The following MSH4 variants were observed in gnomAD, a reference collection of about 807,000 sequenced individuals.
MSH4 encodes mutS homolog 4.
MSH4 carries 106 observed loss-of-function variants against 113.7 expected under a neutral mutation model. The observed-to-expected ratio is 0.93, with a 90% confidence interval of 0.80 to 1.10. MSH4 has a LOEUF of 1.10. Ranked by LOEUF, MSH4 falls within the 50% of genes least tolerant of loss-of-function variation. The pLI, the probability that MSH4 is intolerant of heterozygous loss-of-function variation, is 0.00. For missense variants in MSH4, 1,061 were observed against 1,093.7 expected, an observed-to-expected ratio of 0.97 and a Z score of 0.42; for synonymous variants, 368 against 380.2, an observed-to-expected ratio of 0.97 and a Z score of 0.37.
rs1205787250 is a variant in MSH4, at chr1:75,885,911, A to G, written c.2107+2090A>G. On this transcript the variant is annotated intron_variant, in intron 15 of 19. Transcript: ENST00000263187. ...TTATATATGATGTATTATTTAGTAT[A>G]TATAATATATATGATGTATTATATA... Among the ~76,000 whole-genome samples, 4 of 37,222 alleles carry G rather than the reference A, an allele frequency of 1.1e-4. No individual in the cohort carries two copies. The South Asian group carries it at 4.1e-3, about 38-fold the overall frequency. The allele number at this position is 37,222 out of a possible 152,430, so 24.4% of individuals were successfully genotyped here. A position where few individuals can be genotyped will look rare whatever the true frequency, so the allele number is the denominator to read the frequency against.
rs1005090705 is a variant in MSH4, at chr1:75,883,530, A to T, written c.1907-91A>T. 3 of 1,012,200 alleles carry T rather than the reference A, an allele frequency of 3.0e-6. No individual in the cohort carries two copies. In the African/African-American group the frequency reaches 4.9e-5, roughly 17 times the overall value. The allele number at this position is 1,012,200 out of a possible 1,614,324, so 62.7% of individuals were successfully genotyped here. A position where few individuals can be genotyped will look rare whatever the true frequency, so the allele number is the denominator to read the frequency against. On this transcript the variant is annotated intron_variant, in intron 14 of 19. Transcript: ENST00000263187. ...TTATTCCAAATTGACCAGTGTGAAA[A>T]TCACTAAGATATAGACAATACATAC...
At chr1:75,805,045 T>TGG in intron 2 of MSH4, among the ~76,000 whole-genome samples, 1 of 151,930 alleles carries the variant, frequency 6.6e-6, no homozygotes, top group Non-Finnish European at 1.5e-5. Flanking sequence ...CAGGCTGGTC[T>TGG]TGAACTCCTA....
At chr1:75,880,482 T>C (rs1190338835) in intron 13 of MSH4, among the ~76,000 whole-genome samples, 2 of 152,096 alleles carry the variant, frequency 1.3e-5, no homozygotes, top group African/African-American at 4.8e-5. Flanking sequence ...TATACCTTGA[T>C]ATTAATAATT....
intron 15 of MSH4, among the ~76,000 whole-genome samples, chr1:75,886,351 A>G (rs1284553801): frequency 2.7e-5 from 1 of 36,592 alleles, no homozygotes; most frequent in Non-Finnish European, 5.7e-5. Context: ...TATATATTAT[A>G]TATGGTATAT....
At chr1:75,859,937 G>T (rs186980886) in intron 8 of MSH4, among the ~76,000 whole-genome samples, 1 of 151,956 alleles carries the variant, frequency 6.6e-6, no homozygotes, top group Non-Finnish European at 1.5e-5. Flanking sequence ...TTATGAATCT[G>T]GGTGCTCCTG....
At chr1:75,897,239 G>A (rs138366930) in intron 17 of MSH4, among the ~76,000 whole-genome samples, 3 of 152,182 alleles carry the variant, frequency 2.0e-5, no homozygotes, top group Admixed American at 1.3e-4. Flanking sequence ...TTCCTGGGGC[G>A]CCACATTAGA....
chr1:75,797,205 G>C lies in MSH4; in HGVS notation c.220G>C (p.Ala74Pro). The change falls in exon 1 of 20, where the codon GCG (alanine) becomes CCG (proline). Residue 74 changes from alanine to proline, a missense_variant. Transcript: ENST00000263187. ...CAGCAGCAGCAGCCTTCCCTGCCCC[G>C]CGCCAAACTCCCGGCCAGCTCAAGG... ...SSSSSSLPCP[A>P]PNSRPAQGSY... is the part of the protein sequence containing the mutation. The C allele has an allele frequency of 6.2e-7, 1 of 1,606,028 alleles. No homozygotes were observed.
In MSH4 at chr1:75,912,905, T is replaced by G. The variant is rs770106125; in HGVS notation, c.*18T>G. The stretch of plus-strand genomic sequence containing the variant: ...AAGAATAATCACAATTCTAATGTAA[T>G]AATATATCTTAATTCAAGGAACCTA... On this transcript the variant is annotated 3_prime_UTR_variant, in exon 20 of 20. Transcript: ENST00000263187. 1 of 1,391,460 alleles carries G rather than the reference T, an allele frequency of 7.2e-7. No homozygotes were observed. Among genetic ancestry groups the G allele is most frequent in the South Asian group, 1.7e-5 (1 of 57,538 alleles). 86.2% of individuals were successfully genotyped at this position (1,391,460 alleles called of 1,614,324 possible).
At chr1:75,870,442 T>C (rs948053403) in intron 9 of MSH4, among the ~76,000 whole-genome samples, 6 of 152,116 alleles carry the variant, frequency 3.9e-5, no homozygotes, top group Non-Finnish European at 5.9e-5. Flanking sequence ...AGGGGCAGAA[T>C]TATATGGTTT....
intron 13 of MSH4, among the ~76,000 whole-genome samples, chr1:75,880,636 G>A (rs1167357446): frequency 1.3e-5 from 2 of 151,976 alleles, no homozygotes; most frequent in Admixed American, 6.6e-5. Flanking sequence ...ACAATTTCAA[G>A]GCATGTACCA....
At chr1:75,892,425 C>G (rs1652276483) in intron 17 of MSH4, among the ~76,000 whole-genome samples, 1 of 151,986 alleles carries the variant, frequency 6.6e-6, no homozygotes, top group Admixed American at 6.6e-5. Context: ...TCCTGCCCCA[C>G]CCCCTCTCTA....
At chr1:75,910,847 T>C (rs1277539323) in intron 19 of MSH4, among the ~76,000 whole-genome samples, 1 of 152,124 alleles carries the variant, frequency 6.6e-6, no homozygotes, top group East Asian at 1.9e-4. Flanking sequence ...ACCAAAGTCA[T>C]ATATGGATCA....
rs763624947 is a variant in MSH4, at chr1:75,881,247, A to G, written c.1783A>G (p.Ile595Val). 1.9e-6 allele frequency: 3 copies of G among 1,597,726 alleles called. No individual in the cohort carries two copies. Among genetic ancestry groups the G allele is most frequent in the African/African-American group, 1.3e-5 (1 of 74,576 alleles). Residue 595 changes from isoleucine to valine, a missense_variant and splice_region_variant, in exon 14 of 20, where the codon ATA (isoleucine) becomes GTA (valine). Coordinates refer to ENST00000263187, the MANE Select transcript of MSH4 (RefSeq NM_002440.4). ...LREIYHMTYM[I>V]VCKLLSEIYE... ...ATGTCTTACCAAACGTGTTTTCAGG[A>G]TAGTGTGCAAACTGCTTAGTGAGAT...
intron 14 of MSH4, among the ~76,000 whole-genome samples, chr1:75,881,673 T>G (rs1651935336): frequency 6.6e-6 from 1 of 152,064 alleles, no homozygotes; most frequent in Non-Finnish European, 1.5e-5. Context: ...GATCTAAATT[T>G]ATAAAGTTCA....
intron 9 of MSH4, among the ~76,000 whole-genome samples, chr1:75,876,561 G>A (rs1196335334): frequency 6.6e-6 from 1 of 151,952 alleles, no homozygotes; most frequent in Non-Finnish European, 1.5e-5. Flanking sequence ...AATATACAAA[G>A]CACTTTTTTG....
intron 7 of MSH4, among the ~76,000 whole-genome samples, chr1:75,848,005 G>C (rs1395991866): frequency 6.6e-6 from 1 of 152,034 alleles, no homozygotes; most frequent in Non-Finnish European, 1.5e-5. Flanking sequence ...TAAATTTTGA[G>C]GTGAGATTGA....
intron 8 of MSH4, among the ~76,000 whole-genome samples, chr1:75,857,197 C>T (rs999766686): frequency 3.3e-5 from 5 of 152,084 alleles, no homozygotes; most frequent in South Asian, 2.1e-4. Context: ...AGCCTTTTGT[C>T]GGATGGATAG....
At chr1:75,797,329 G>C in intron 1 of MSH4, 100 bp downstream of exon 1, 1 of 1,447,838 alleles carries the variant, frequency 6.9e-7, no homozygotes, top group South Asian at 1.4e-5. Context: ...GTGAAGTTGT[G>C]ATTTGGTTGG....
intron 7 of MSH4, among the ~76,000 whole-genome samples, chr1:75,837,240 A>T (rs1650848989): frequency 6.6e-6 from 1 of 152,172 alleles, no homozygotes; most frequent in East Asian, 1.9e-4. Flanking sequence ...CTCTTACCGG[A>T]CACTGAATCT....
Sources: gnomAD v4.1 joint callset for allele counts (sites outside exome capture counted in the v4.1 genomes callset) on GRCh38, gnomAD v4.1.1 for gene constraint, MANE v1.5 for transcripts, NCBI Gene and HGNC (gene_info 2026-07-23, HGNC 2026-07-21) for gene names.